The following CHN1 variants were observed in gnomAD, a reference collection of about 807,000 sequenced individuals.
CHN1 encodes the protein N-chimaerin.
A neutral mutation model predicts 59.5 loss-of-function variants in CHN1; 37 were observed. The ratio of observed to expected loss-of-function variants is 0.62; its 90% confidence interval spans 0.48 to 0.82. CHN1 has a LOEUF of 0.82. Among genes scored for constraint, CHN1 ranks in the 40% least tolerant of loss-of-function variants. The pLI is 0.00. For missense variants in CHN1, 469 were observed against 571.0 expected (o/e 0.82, Z 1.82); for synonymous variants, 206 against 200.4 (o/e 1.03, Z -0.24).
chr2:174,807,662 G>A (rs1056450366), intron 11 of CHN1, among the ~76,000 whole-genome samples: 4 of 152,060 alleles, frequency 2.6e-5, no homozygotes, highest in African/African-American at 9.7e-5. Context: ...CTAACCTAAT[G>A]CTTTGAAAGA....
intron 1 of CHN1, among the ~76,000 whole-genome samples, chr2:174,962,973 A>G (rs1690465853): frequency 6.6e-6 from 1 of 152,188 alleles, no homozygotes; most frequent in Non-Finnish European, 1.5e-5. Context: ...TATTTAAATT[A>G]AGTATATACC....
chr2:174,999,089 A>T (rs1489279072), intron 1 of CHN1, among the ~76,000 whole-genome samples: 1 of 152,140 alleles, frequency 6.6e-6, no homozygotes, highest in Non-Finnish European at 1.5e-5. Context: ...TGACTTTTCA[A>T]TGTAAATATG....
intron 6 of CHN1, among the ~76,000 whole-genome samples, chr2:174,848,702 G>A (rs187574454): frequency 1.1e-3 from 172 of 152,138 alleles, no homozygotes; most frequent in African/African-American, 3.9e-3. Flanking sequence ...ACAAATGACT[G>A]ATTTTCTAAA....
chr2:174,893,681 T>C (rs1688122611), intron 5 of CHN1, among the ~76,000 whole-genome samples: 1 of 152,160 alleles, frequency 6.6e-6, no homozygotes, highest in African/African-American at 2.4e-5. Context: ...AAAACGATCT[T>C]GGGAAAGACA....
intron 7 of CHN1, among the ~76,000 whole-genome samples, chr2:174,834,765 G>A (rs1686014136): frequency 6.6e-6 from 1 of 152,122 alleles, no homozygotes; most frequent in Non-Finnish European, 1.5e-5. Flanking sequence ...AATAATCCTC[G>A]AAGATATTAA....
chr2:174,851,144 A>C (rs1435362174), intron 6 of CHN1, among the ~76,000 whole-genome samples: 1 of 152,248 alleles, frequency 6.6e-6, no homozygotes, highest in Non-Finnish European at 1.5e-5. Context: ...TCTATAAAAC[A>C]GAAGAAATAG....
chr2:174,898,708 A>AT (rs1688293565), intron 5 of CHN1, among the ~76,000 whole-genome samples: 1 of 152,148 alleles, frequency 6.6e-6, no homozygotes, highest in African/African-American at 2.4e-5. Context: ...TTATTTTAAG[A>AT]TTTTTTTTCT....
intron 1 of CHN1, among the ~76,000 whole-genome samples, chr2:174,954,181 A>G (rs1471151112): frequency 6.6e-6 from 1 of 152,196 alleles, no homozygotes; most frequent in Non-Finnish European, 1.5e-5. Context: ...AAACAAAAAC[A>G]TTAAGTGGGG....
At chr2:174,876,858 C>T (rs1687579742) in intron 6 of CHN1, among the ~76,000 whole-genome samples, 1 of 152,172 alleles carries the variant, frequency 6.6e-6, no homozygotes, top group Non-Finnish European at 1.5e-5. Context: ...CTCACTCACT[C>T]CTCACAGCAA....
intron 6 of CHN1, among the ~76,000 whole-genome samples, chr2:174,871,997 T>A (rs1325779037): frequency 6.6e-6 from 1 of 152,098 alleles, no homozygotes; most frequent in Non-Finnish European, 1.5e-5. Context: ...AATTCCAACA[T>A]AAGGCCAGGC....
At chr2:174,881,634 C>CA (rs1356402990) in intron 5 of CHN1, among the ~76,000 whole-genome samples, 1 of 152,094 alleles carries the variant, frequency 6.6e-6, no homozygotes, top group African/African-American at 2.4e-5. Flanking sequence ...AGTAAAACAG[C>CA]AAAAATATTC....
intron 5 of CHN1, among the ~76,000 whole-genome samples, chr2:174,880,643 T>C (rs1308151785): frequency 1.3e-5 from 2 of 152,204 alleles, no homozygotes. Flanking sequence ...AACATCCAGG[T>C]ACTTTACTGT....
Position 174,914,694 on chromosome 2 carries a change from TTAGCTGGGCG to T in CHN1, c.260+354_260+363del, listed in dbSNP as rs537410126. The stretch of plus-strand genomic sequence containing the variant: ...CCCGTCTCTACTAAAAATGCAAAAA[TTAGCTGGGCG>T]TAGTGGCACACGTCTATAATCCCAG... On this transcript the variant is annotated intron_variant, in intron 5 of 12. Transcript: ENST00000409900. 4.4e-3 allele frequency among the ~76,000 whole-genome samples: 670 copies of T among 151,676 alleles called. 6 individuals are homozygous for T. The highest frequency in any genetic ancestry group is 0.015 in the African/African-American group (631 of 41,312).
At chr2:174,898,674 T>C (rs1411936480) in intron 5 of CHN1, among the ~76,000 whole-genome samples, 1 of 152,192 alleles carries the variant, frequency 6.6e-6, no homozygotes, top group Non-Finnish European at 1.5e-5. Context: ...TCTCATTCCC[T>C]ACTGCAAAGA....
At chr2:174,844,903 C>A (rs1267445441) in intron 7 of CHN1, among the ~76,000 whole-genome samples, 2 of 151,922 alleles carry the variant, frequency 1.3e-5, no homozygotes, top group African/African-American at 4.8e-5. Context: ...AGAACAAGTC[C>A]AAGCTGGTTT....
At chr2:174,957,994 C>T (rs1031875016) in intron 1 of CHN1, among the ~76,000 whole-genome samples, 2 of 152,082 alleles carry the variant, frequency 1.3e-5, no homozygotes, top group African/African-American at 2.4e-5. Flanking sequence ...AAATATCCCA[C>T]GTGGATCATC....
At chr2:174,914,979 G>T in intron 5 of CHN1, 79 bp downstream of exon 5, 1 of 740,734 alleles carries the variant, frequency 1.4e-6, no homozygotes, top group Non-Finnish European at 2.1e-6. Context: ...ATTACATGCT[G>T]AATGCTTTTA....
intron 1 of CHN1, among the ~76,000 whole-genome samples, chr2:174,955,582 A>G (rs1690180559): frequency 6.6e-6 from 1 of 152,058 alleles, no homozygotes; most frequent in South Asian, 2.1e-4. Flanking sequence ...AATCACCACT[A>G]AAGAACTTAT....
chr2:174,922,655 C>T (rs1689047499), intron 3 of CHN1, among the ~76,000 whole-genome samples: 1 of 152,166 alleles, frequency 6.6e-6, no homozygotes, highest in African/African-American at 2.4e-5. Flanking sequence ...CACATCACTG[C>T]ACTCTCAGCC....
Sources: allele counts gnomAD v4.1 joint callset (sites outside exome capture counted in the v4.1 genomes callset), GRCh38; gene constraint gnomAD v4.1.1; transcripts MANE v1.5; gene names NCBI Gene and HGNC (gene_info 2026-07-23, HGNC 2026-07-21).